The following ADCY5 variants were observed in gnomAD, a reference collection of about 807,000 sequenced individuals.
The protein encoded by ADCY5 is adenylate cyclase 5.
A neutral mutation model predicts 119.7 loss-of-function variants in ADCY5; 30 were observed. The observed-to-expected ratio is 0.25, with a 90% CI of 0.19 to 0.34. ADCY5 has a LOEUF of 0.34. Among genes scored for constraint, ADCY5 ranks in the 10% least tolerant of loss-of-function variants. The probability of loss-of-function intolerance (pLI) is 1.00; values close to 1 mark genes in which losing one functional copy is unlikely to be tolerated. For missense variants in ADCY5, 1,324 were observed against 1,775.2 expected (o/e 0.75, Z 4.57); for synonymous variants, 753 against 762.2 (o/e 0.99, Z 0.20).
At chr3:123,317,023 A>T (rs1940945319) in intron 11 of ADCY5, among the ~76,000 whole-genome samples, 1 of 116,974 alleles carries the variant, frequency 8.5e-6, no homozygotes, top group South Asian at 2.8e-4. Context: ...TTATACATAT[A>T]CGTATATGTA....
At chr3:123,334,776 C>T (rs952970317) in intron 3 of ADCY5, among the ~76,000 whole-genome samples, 2 of 152,132 alleles carry the variant, frequency 1.3e-5, no homozygotes, top group Admixed American at 1.3e-4. Flanking sequence ...TAAATATTGA[C>T]AAATGATAAT....
intron 1 of ADCY5, among the ~76,000 whole-genome samples, chr3:123,417,095 T>C (rs1945200798): frequency 6.6e-6 from 1 of 152,148 alleles, no homozygotes; most frequent in Non-Finnish European, 1.5e-5. Flanking sequence ...TACAGCAGCC[T>C]GAGCAGACGA....
At chr3:123,357,427 C>A (rs975996918) in intron 1 of ADCY5, among the ~76,000 whole-genome samples, 3 of 152,082 alleles carry the variant, frequency 2.0e-5, no homozygotes, top group African/African-American at 7.2e-5. Flanking sequence ...ACTAATCCTC[C>A]GGGTCTCTCC....
At chr3:123,334,928 T>C (rs1258280139) in intron 3 of ADCY5, among the ~76,000 whole-genome samples, 1 of 152,160 alleles carries the variant, frequency 6.6e-6, no homozygotes, top group East Asian at 1.9e-4. Flanking sequence ...AACATGGTAC[T>C]CTTTACTAAG....
Position 123,447,616 on chromosome 3 carries a change from C to G in ADCY5, c.930G>C (p.Leu310=). The G allele has an allele frequency of 6.2e-7, 1 of 1,607,886 alleles. No homozygotes were observed. Among genetic ancestry groups the G allele is most frequent in the Non-Finnish European group, 8.5e-7 (1 of 1,178,644 alleles). ...GCAGCAGGCCCACCACCTGGACGGCCAGCACCACGGCGATGAGCGCATAGC... is the reference window on the plus strand; with the variant it reads ...GCAGCAGGCCCACCACCTGGACGGCGAGCACCACGGCGATGAGCGCATAGC... ...LACYALIAVV[L]AVQVVGLLLP... The change falls in exon 1 of 21, where the codon CTG becomes CTC. Residue 310 remains leucine, a synonymous_variant. Transcript: ENST00000462833.
rs751167282 is a variant in ADCY5, at chr3:123,448,131, A to AGCCGCC, written c.409_414dup (p.Gly137_Gly138dup). 9.7e-7 allele frequency: 1 copy of AGCCGCC among 1,032,388 alleles called. No homozygotes were observed. Among genetic ancestry groups the AGCCGCC allele is most frequent in the African/African-American group, 1.7e-5 (1 of 57,226 alleles). The allele number at this position is 1,032,388 out of a possible 1,614,324, so 64.0% of individuals were successfully genotyped here. ...CCCGCCGAGGCAGCCGCCGCCGCCG[A>AGCCGCC]GCCGCCGCCGCCGCCCGCAGGGGGC... On this transcript the variant is annotated inframe_insertion, in exon 1 of 21. Coordinates refer to ENST00000462833, the MANE Select transcript of ADCY5 (RefSeq NM_183357.3).
intron 15 of ADCY5, among the ~76,000 whole-genome samples, chr3:123,298,372 G>T (rs1016015866): frequency 3.3e-5 from 5 of 152,148 alleles, no homozygotes; most frequent in South Asian, 2.1e-4. Flanking sequence ...CAACTTCAGC[G>T]CCTGAAGAGG....
Position 123,447,801 on chromosome 3 carries a change from G to A in ADCY5, c.745C>T (p.Leu249=). 6.2e-7 allele frequency: 1 copy of A among 1,612,446 alleles called. No homozygotes were observed. The highest frequency in any genetic ancestry group is 8.5e-7 in the Non-Finnish European group (1 of 1,179,398). ...AACATGACCAGGCACACGAGCACCA[G>A]CACGGCCATGAGCATGGTGAGGCTG... The part of the protein sequence containing the change: ...QSSLTMLMAV[L]VLVCLVMLAF... The change falls in exon 1 of 21, where the codon CTG becomes TTG. Residue 249 remains leucine (L), a synonymous_variant. Coordinates refer to ENST00000462833, the MANE Select transcript of ADCY5 (RefSeq NM_183357.3).
At chr3:123,395,174 A>T (rs183068759) in intron 1 of ADCY5, among the ~76,000 whole-genome samples, 24 of 152,360 alleles carry the variant, frequency 1.6e-4, no homozygotes, top group Admixed American at 1.6e-3. Flanking sequence ...GGGGAATGTC[A>T]GTCCCTTGTC....
chr3:123,410,839 A>G (rs558931278), intron 1 of ADCY5, among the ~76,000 whole-genome samples: 5 of 152,210 alleles, frequency 3.3e-5, no homozygotes, highest in Admixed American at 1.3e-4. Flanking sequence ...GTAGAGATGC[A>G]GTCTCACTAT....
Position 123,296,170 on chromosome 3 carries a change from T to C in ADCY5, c.2977A>G (p.Ile993Val), listed in dbSNP as rs745615891. The C allele has an allele frequency of 6.2e-7, 1 of 1,613,844 alleles. No individual in the cohort carries two copies. Among genetic ancestry groups the C allele is most frequent in the African/African-American group, 1.3e-5 (1 of 74,882 alleles). Residue 993 changes from isoleucine (I) to valine (V), a missense_variant, in exon 17 of 21, where the codon ATC becomes GTC. This residue lies in a region of ADCY5 where 424 missense variants were observed against 546.8 expected (regional missense o/e 0.78). Transcript: ENST00000462833. The stretch of plus-strand genomic sequence containing the variant: ...AGGGCCAGCACAAAGACTGAGATGA[T>C]GATGGGCGTCACCACCTTCAATGCC... The part of the protein sequence containing the change: ...KVALKVVTPI[I>V]ISVFVLALYL...
intron 1 of ADCY5, among the ~76,000 whole-genome samples, chr3:123,381,959 C>T (rs1188598527): frequency 6.6e-6 from 1 of 152,202 alleles, no homozygotes; most frequent in Non-Finnish European, 1.5e-5. Context: ...GAAGAAAGGC[C>T]CAAGTCCAGC....
chr3:123,327,320 A>G (rs1405029433), intron 7 of ADCY5, among the ~76,000 whole-genome samples: 1 of 152,194 alleles, frequency 6.6e-6, no homozygotes, highest in African/African-American at 2.4e-5. Context: ...GAGATAAAAT[A>G]TACGGTATCC....
rs111494417 is a variant in ADCY5, at chr3:123,431,191, C to T, written c.1134+16221G>A. Among the ~76,000 whole-genome samples the T allele has an allele frequency of 9.6e-3, 1,465 of 152,344 alleles. 28 individuals carry two copies. The highest frequency in any genetic ancestry group is 0.034 in the African/African-American group (1,402 of 41,572). On this transcript the variant is annotated intron_variant, in intron 1 of 20. Transcript: ENST00000462833. ...CCAGCAGCTATTTATTGAGCATCTA[C>T]TACAGACACTTCTAGTTTACAGCGG... is the stretch of plus-strand genomic sequence containing the variant.
intron 11 of ADCY5, among the ~76,000 whole-genome samples, chr3:123,316,071 T>C (rs1178792571): frequency 1.3e-5 from 2 of 152,178 alleles, no homozygotes; most frequent in Admixed American, 1.3e-4. Flanking sequence ...AAGGGGGATA[T>C]TTTCATTCTT....
intron 1 of ADCY5, among the ~76,000 whole-genome samples, chr3:123,431,811 C>T (rs1171459560): frequency 6.6e-6 from 1 of 152,164 alleles, no homozygotes; most frequent in African/African-American, 2.4e-5. Flanking sequence ...CTTACTGAAT[C>T]ACCACAATAA....
rs1252252107 is a variant in ADCY5 at position 123,327,683 on chromosome 3, G to A, written c.1882C>T (p.Arg628Cys). 2.5e-6 allele frequency: 4 copies of A among 1,614,068 alleles called. No homozygotes were observed. The highest frequency in any genetic ancestry group is 3.4e-6 in the Non-Finnish European group (4 of 1,180,028). ...CTGTGCTCCTTGAGGTAGGCGTTGC[G>A]CTCGCCCCCACAGCCTGGCTCCACC... The part of the protein sequence containing the change: ...YEVEPGCGGE[R>C]NAYLKEHSIE... The change falls in exon 7 of 21, where the codon CGC (arginine) becomes TGC (cysteine). Residue 628 changes from arginine (R) to cysteine (C), a missense_variant. Coordinates refer to ENST00000462833, the MANE Select transcript of ADCY5 (RefSeq NM_183357.3).
intron 1 of ADCY5, among the ~76,000 whole-genome samples, chr3:123,418,488 T>C (rs1292554205): frequency 1.3e-5 from 2 of 152,208 alleles, no homozygotes; most frequent in African/African-American, 2.4e-5. Context: ...AGGCTTTTCA[T>C]GCTGTGTCAC....
At chr3:123,398,057 C>G (rs1283838418) in intron 1 of ADCY5, among the ~76,000 whole-genome samples, 2 of 152,160 alleles carry the variant, frequency 1.3e-5, no homozygotes, top group Non-Finnish European at 2.9e-5. Context: ...TTCAGGCACC[C>G]CTTTGTCTGG....
Sources: gnomAD v4.1 joint callset for allele counts (sites outside exome capture counted in the v4.1 genomes callset) on GRCh38, gnomAD v4.1.1 for gene constraint, gnomAD v4.1.1 regional missense constraint, MANE v1.5 for transcripts, NCBI Gene and HGNC (gene_info 2026-07-23, HGNC 2026-07-21) for gene names.